The following ACTN2 variants were observed in gnomAD, a reference collection of about 807,000 sequenced individuals.
ACTN2 encodes the protein actinin alpha 2, also known as alpha-actinin-2.
Under a neutral mutation model 113.8 loss-of-function variants are expected in ACTN2, and 39 were observed. That is an observed-to-expected ratio of 0.34 (90% CI 0.27 to 0.45). The LOEUF (loss-of-function observed/expected upper bound fraction) is 0.45, where lower values mean the gene tolerates loss of function less well. ACTN2 is among the 20% of genes least tolerant of loss of function. The pLI is 1.00. For missense variants in ACTN2, 992 were observed against 1,177.9 expected (o/e 0.84, Z 2.31); for synonymous variants, 429 against 444.1 (o/e 0.97, Z 0.43).
rs1382371661 is a variant in ACTN2, at chr1:236,686,511, T to G, written c.-163T>G. The G allele has an allele frequency of 1.4e-6, 1 of 716,356 alleles. No homozygotes were observed. The highest frequency in any genetic ancestry group is 1.9e-6 in the Non-Finnish European group (1 of 534,128). 44.4% of individuals were successfully genotyped at this position (716,356 alleles called of 1,614,324 possible). On this transcript the variant is annotated 5_prime_UTR_variant, in exon 1 of 21. Coordinates refer to ENST00000366578, the MANE Select transcript of ACTN2 (RefSeq NM_001103.4). Reference sequence around the variant, plus strand: ...GCTGCTCGCAGCCGGAGCTGGTGCTTCGCCCGAGACCCAGCGCCCAGGCGT... The same window carrying G: ...GCTGCTCGCAGCCGGAGCTGGTGCTGCGCCCGAGACCCAGCGCCCAGGCGT...
chr1:236,708,172 G>C (rs1446945269), intron 1 of ACTN2, among the ~76,000 whole-genome samples: 4 of 152,008 alleles, frequency 2.6e-5, no homozygotes, highest in African/African-American at 9.7e-5. Context: ...TATCTAACAG[G>C]ACCTTGGAGA....
At position 236,686,684 on chromosome 1, in the gene ACTN2, T is replaced by C; in HGVS notation, c.11T>C (p.Ile4Thr). The C allele has an allele frequency of 1.3e-6, 2 of 1,558,646 alleles. No homozygotes were observed. Among genetic ancestry groups the C allele is most frequent in the African/African-American group, 1.4e-5 (1 of 70,070 alleles). ...GGCCAACCGAGCGCCATGAACCAGA[T>C]AGAGCCCGGCGTGCAGTACAACTAC... Reference protein sequence around the residue: MNQIEPGVQYNYVY... With the variant: MNQTEPGVQYNYVY... The change falls in exon 1 of 21, where the codon ATA becomes ACA. Residue 4 changes from isoleucine (I) to threonine (T), a missense_variant. Ile to Thr is a moderately conservative substitution (Grantham distance 89). Transcript: ENST00000366578.
intron 17 of ACTN2, 113 bp downstream of exon 17, chr1:236,755,311 T>C (rs1659522659): frequency 1.6e-6 from 2 of 1,272,488 alleles, no homozygotes; most frequent in Non-Finnish European, 2.3e-6. Context: ...GACCTACAAG[T>C]ATGAAAGTTA....
At chr1:236,709,218 C>CTGTGTGTGTG (rs200979652) in intron 1 of ACTN2, among the ~76,000 whole-genome samples, 27 of 57,310 alleles carry the variant, frequency 4.7e-4, no homozygotes, top group South Asian at 6.6e-4. Flanking sequence ...TGACAAATGA[C>CTGTGTGTGTG]TGTATATATA....
chr1:236,746,098 G>A (rs1032210071), intron 12 of ACTN2, among the ~76,000 whole-genome samples: 35 of 148,150 alleles, frequency 2.4e-4, no homozygotes, highest in African/African-American at 6.9e-4. Flanking sequence ...CCCGGGAGGC[G>A]GAACTTGCAG....
At chr1:236,719,108 A>G (rs1658307035) in intron 3 of ACTN2, 95 bp downstream of exon 3, 2 of 1,547,778 alleles carry the variant, frequency 1.3e-6, no homozygotes, top group African/African-American at 1.4e-5. Flanking sequence ...CCTCCCTTTC[A>G]CCATTTACTG....
At chr1:236,709,590 A>G (rs1657962558) in intron 1 of ACTN2, among the ~76,000 whole-genome samples, 1 of 148,402 alleles carries the variant, frequency 6.7e-6, no homozygotes, top group Non-Finnish European at 1.5e-5. Flanking sequence ...GTGTTGGGGA[A>G]GGCTTGGAAT....
chr1:236,698,499 CAGGTGGT>C (rs1657583622), intron 1 of ACTN2, among the ~76,000 whole-genome samples: 2 of 152,124 alleles, frequency 1.3e-5, no homozygotes, highest in Non-Finnish European at 2.9e-5. Context: ...GGCAGGTATT[CAGGTGGT>C]CAGATTAGAA....
intron 1 of ACTN2, among the ~76,000 whole-genome samples, chr1:236,687,343 A>C (rs1019240131): frequency 1.3e-5 from 2 of 152,162 alleles, no homozygotes; most frequent in African/African-American, 4.8e-5. Flanking sequence ...CACTCTATTT[A>C]TAATTCATTG....
chr1:236,695,209 A>G (rs1385771205), intron 1 of ACTN2, among the ~76,000 whole-genome samples: 1 of 102,758 alleles, frequency 9.7e-6, no homozygotes, highest in Non-Finnish European at 2.1e-5. Flanking sequence ...TCTACTAAAA[A>G]TACAAAAAAA....
intron 2 of ACTN2, 66 bp from the exon 3 acceptor site, chr1:236,718,828 G>A: frequency 1.9e-6 from 3 of 1,609,624 alleles, no homozygotes; most frequent in East Asian, 4.5e-5. Context: ...CTTAGTTTTG[G>A]CATCTTGATT....
intron 1 of ACTN2, among the ~76,000 whole-genome samples, chr1:236,710,064 G>T (rs1314151318): frequency 6.6e-6 from 1 of 152,202 alleles, no homozygotes; most frequent in Non-Finnish European, 1.5e-5. Flanking sequence ...TCACTGATAA[G>T]TGAAATGGAC....
intron 1 of ACTN2, among the ~76,000 whole-genome samples, chr1:236,708,636 G>C (rs1224701702): frequency 6.6e-6 from 1 of 152,160 alleles, no homozygotes; most frequent in Non-Finnish European, 1.5e-5. Context: ...GGTGATTCTG[G>C]GGCAGCTCAT....
At position 236,755,005 on chromosome 1, in the gene ACTN2, C is replaced by T; in HGVS notation, c.1975-14C>T. 6.2e-7 allele frequency: 1 copy of T among 1,614,144 alleles called. No homozygotes were observed. The highest frequency in any genetic ancestry group is 2.2e-5 in the East Asian group (1 of 44,886). ...CTCTGCTTCTCTCTCTGCTTGCTCA[C>T]TCGCCCCCCTCAGGAGATTGCCCGG... is the stretch of plus-strand genomic sequence containing the variant. On this transcript the variant is annotated splice_polypyrimidine_tract_variant and intron_variant, in intron 16 of 20. Coordinates refer to ENST00000366578, the MANE Select transcript of ACTN2 (RefSeq NM_001103.4).
At chr1:236,734,052 A>G (rs1381119152) in intron 7 of ACTN2, among the ~76,000 whole-genome samples, 1 of 152,204 alleles carries the variant, frequency 6.6e-6, no homozygotes, top group Non-Finnish European at 1.5e-5. Flanking sequence ...AACCTGCAGA[A>G]GTGATCTTGT....
chr1:236,709,245 TATATATATATACAC>T (rs1226027637), intron 1 of ACTN2, among the ~76,000 whole-genome samples: 2 of 81,326 alleles, frequency 2.5e-5, no homozygotes, highest in African/African-American at 8.6e-5. Flanking sequence ...TATATATATA[TATATATATATACAC>T]ACACACACAC....
In ACTN2 at chr1:236,764,189, A is replaced by C. The variant is rs1659784673; in HGVS notation, c.*1570A>C. On this transcript the variant is annotated 3_prime_UTR_variant, in exon 21 of 21. Transcript: ENST00000366578. ...CTTCAACCTTTATGAATTTCACTTAATTTGCTTCATTATTAAGTAATTGGT... is the reference window on the plus strand; with the variant it reads ...CTTCAACCTTTATGAATTTCACTTACTTTGCTTCATTATTAAGTAATTGGT... 1 of 152,132 alleles carries C rather than the reference A, an allele frequency of 6.6e-6. No individual in the cohort carries two copies. The highest frequency in any genetic ancestry group is 2.1e-4 in the South Asian group (1 of 4,830). 9.4% of individuals were successfully genotyped at this position (152,132 alleles called of 1,614,324 possible). A position where few individuals can be genotyped will look rare whatever the true frequency, so the allele number is the denominator to read the frequency against.
intron 10 of ACTN2, among the ~76,000 whole-genome samples, chr1:236,740,086 C>T (rs536415020): frequency 5.3e-5 from 8 of 152,192 alleles, no homozygotes; most frequent in African/African-American, 1.9e-4. Context: ...CTTTGTGGTA[C>T]CTATTTCCGC....
chr1:236,693,177 G>GCACACA (rs35891713), intron 1 of ACTN2, among the ~76,000 whole-genome samples: 3,591 of 149,088 alleles, frequency 0.024, 52 homozygotes, highest in East Asian at 0.044. Context: ...CTGCACACAT[G>GCACACA]CACACACACA....
Sources: gnomAD v4.1 joint callset for allele counts (sites outside exome capture counted in the v4.1 genomes callset) on GRCh38, gnomAD v4.1.1 for gene constraint, MANE v1.5 for transcripts, NCBI Gene and HGNC (gene_info 2026-07-23, HGNC 2026-07-21) for gene names.